ALPL: variants seen among roughly 807,000 people sequenced by gnomAD.
ALPL encodes alkaline phosphatase, biomineralization associated.
A neutral mutation model predicts 51.3 loss-of-function variants in ALPL; 42 were observed. The ratio of observed to expected loss-of-function variants is 0.82; its 90% CI spans 0.64 to 1.06. ALPL has a LOEUF of 1.06. ALPL is among the 50% of genes least tolerant of loss of function. ALPL has a pLI of 0.00. For synonymous variants in ALPL, 279 were observed against 296.4 expected, an observed-to-expected ratio of 0.94 and a Z score of 0.60; for missense variants, 589 against 709.4, an observed-to-expected ratio of 0.83 and a Z score of 1.93.
At chr1:21,537,783 C>CT (rs1264301732) in intron 1 of ALPL, among the ~76,000 whole-genome samples, 3 of 152,230 alleles carry the variant, frequency 2.0e-5, no homozygotes, top group Non-Finnish European at 4.4e-5. Flanking sequence ...CTTTGTGACC[C>CT]TGAACCTCCC....
chr1:21,536,542 G>T (rs1399067925), intron 1 of ALPL, among the ~76,000 whole-genome samples: 1 of 152,142 alleles, frequency 6.6e-6, no homozygotes, highest in African/African-American at 2.4e-5. Context: ...AAAGACTCAA[G>T]GTCTCTACCT....
chr1:21,546,314 C>T (rs575648975), intron 1 of ALPL, among the ~76,000 whole-genome samples: 1 of 152,104 alleles, frequency 6.6e-6, no homozygotes, highest in Non-Finnish European at 1.5e-5. Context: ...TTCCTTGGCA[C>T]CAAGAGGGTA....
intron 1 of ALPL, among the ~76,000 whole-genome samples, chr1:21,542,748 G>T (rs1644203150): frequency 6.6e-6 from 1 of 152,178 alleles, no homozygotes; most frequent in South Asian, 2.1e-4. Flanking sequence ...TAAGGCATGA[G>T]AATCGCTTGA....
At chr1:21,511,848 G>A (rs1643693902) in intron 1 of ALPL, among the ~76,000 whole-genome samples, 1 of 152,196 alleles carries the variant, frequency 6.6e-6, no homozygotes, top group Non-Finnish European at 1.5e-5. Context: ...TATGATCTTG[G>A]AAAGGGGAAG....
rs764097939 is a variant in ALPL, at chr1:21,563,196, G to C, written c.384G>C (p.Val128=). 2 of 1,613,968 alleles carry C rather than the reference G, an allele frequency of 1.2e-6. No individual in the cohort carries two copies. Among genetic ancestry groups the C allele is most frequent in the Non-Finnish European group, 1.7e-6 (2 of 1,180,030 alleles). Residue 128 remains valine (V), a synonymous_variant, in exon 5 of 12, where the codon GTG becomes GTC. Coordinates refer to ENST00000374840, the MANE Select transcript of ALPL (RefSeq NM_000478.6). ...LCGVKANEGT[V]GVSAATERSR... ...GGGTGAAGGCCAATGAGGGCACCGTGGGGGTAAGCGCAGCCACTGAGCGTT... is the reference window on the plus strand; with the variant it reads ...GGGTGAAGGCCAATGAGGGCACCGTCGGGGTAAGCGCAGCCACTGAGCGTT...
intron 1 of ALPL, among the ~76,000 whole-genome samples, chr1:21,515,059 C>A (rs543662211): frequency 6.6e-6 from 1 of 152,286 alleles, no homozygotes; most frequent in East Asian, 1.9e-4. Context: ...TCCTCCTCCA[C>A]TCCAGCTTGT....
intron 1 of ALPL, among the ~76,000 whole-genome samples, chr1:21,548,122 G>A (rs527410473): frequency 6.6e-5 from 10 of 152,194 alleles, no homozygotes; most frequent in Non-Finnish European, 1.2e-4. Flanking sequence ...AGGGGGTGGC[G>A]ATGGGGCTGA....
At chr1:21,538,254 G>A (rs1336689461) in intron 1 of ALPL, among the ~76,000 whole-genome samples, 1 of 152,158 alleles carries the variant, frequency 6.6e-6, no homozygotes, top group African/African-American at 2.4e-5. Context: ...CCTTGGGTGG[G>A]ACCTCACCTC....
At chr1:21,529,660 CATAG>C (rs1228350292) in intron 1 of ALPL, among the ~76,000 whole-genome samples, 3 of 152,172 alleles carry the variant, frequency 2.0e-5, no homozygotes, top group African/African-American at 4.8e-5. Flanking sequence ...TGGTTTTTCA[CATAG>C]AGTGTTTCCA....
intron 1 of ALPL, among the ~76,000 whole-genome samples, chr1:21,520,634 T>G (rs1643874066): frequency 6.6e-6 from 1 of 151,956 alleles, no homozygotes; most frequent in Admixed American, 6.6e-5. Context: ...GCTAATTTTT[T>G]GTACTTATAG....
At chr1:21,551,154 A>G (rs1360833065) in intron 1 of ALPL, 1 of 152,178 alleles carries the variant, frequency 6.6e-6, no homozygotes, top group Non-Finnish European at 1.5e-5. Context: ...CAGAGAAGAT[A>G]ATTTTGGATG....
At chr1:21,515,029 A>C (rs573272237) in intron 1 of ALPL, among the ~76,000 whole-genome samples, 114 of 152,162 alleles carry the variant, frequency 7.5e-4, no homozygotes, top group Non-Finnish European at 1.4e-3. Flanking sequence ...CTGACCCTCC[A>C]GACTTTCTAA....
Position 21,563,008 on chromosome 1 carries a change from C to T in ALPL, c.298-102C>T, listed in dbSNP as rs1644505734. The T allele has an allele frequency of 3.3e-6, 5 of 1,496,700 alleles. No individual in the cohort carries two copies. The Admixed American group carries it at 5.0e-5, about 15-fold the overall frequency. The allele number at this position is 1,496,700 out of a possible 1,614,324, so 92.7% of individuals were successfully genotyped here. On this transcript the variant is annotated intron_variant, in intron 4 of 11. Transcript: ENST00000374840. ...CCTGGTCAAGGCTATGGGGTCCTCTCTGGTCCCTCACGCCCCAGTCCCCAT... is the reference window on the plus strand; with the variant it reads ...CCTGGTCAAGGCTATGGGGTCCTCTTTGGTCCCTCACGCCCCAGTCCCCAT...
chr1:21,530,120 T>C (rs1034175381), intron 1 of ALPL, among the ~76,000 whole-genome samples: 16 of 152,122 alleles, frequency 1.1e-4, no homozygotes, highest in African/African-American at 3.1e-4. Context: ...TGGCTGGTAG[T>C]GGCGTGGGGT....
chr1:21,522,832 C>T (rs990511696), intron 1 of ALPL, among the ~76,000 whole-genome samples: 3 of 152,144 alleles, frequency 2.0e-5, no homozygotes, highest in Non-Finnish European at 4.4e-5. Context: ...GAAATGACAG[C>T]GGTCATAAAT....
chr1:21,565,836 A>C (rs1247067499), intron 6 of ALPL, among the ~76,000 whole-genome samples: 1 of 151,286 alleles, frequency 6.6e-6, no homozygotes, highest in Non-Finnish European at 1.5e-5. Flanking sequence ...CTTAAAAAAA[A>C]AAAAGAAAGA....
At chr1:21,574,984 G>C (rs961202758) in intron 9 of ALPL, among the ~76,000 whole-genome samples, 2 of 152,268 alleles carry the variant, frequency 1.3e-5, no homozygotes, top group Non-Finnish European at 2.9e-5. Context: ...TAAGGTCACA[G>C]AGCCCTCGGC....
At chr1:21,513,626 C>G (rs1246373923) in intron 1 of ALPL, among the ~76,000 whole-genome samples, 1 of 152,102 alleles carries the variant, frequency 6.6e-6, no homozygotes, top group Non-Finnish European at 1.5e-5. Flanking sequence ...ATATTTATAG[C>G]CTGCTGTGTG....
Position 21,522,495 on chromosome 1 carries a change from T to G in ALPL, c.-105+12978T>G, listed in dbSNP as rs1167783213. 2.0e-5 allele frequency among the ~76,000 whole-genome samples: 3 copies of G among 152,178 alleles called. No individual in the cohort carries two copies. In the East Asian group the frequency reaches 5.8e-4, roughly 29 times the overall value. ...GTTCATGTCTCCTAGGTCACCTGGT[T>G]GGTGTCACGTGCAAATATTTTAATA... On this transcript the variant is annotated intron_variant, in intron 1 of 11. Coordinates refer to ENST00000374840, the MANE Select transcript of ALPL (RefSeq NM_000478.6).
Sources: gnomAD v4.1 joint callset for allele counts (sites outside exome capture counted in the v4.1 genomes callset) on GRCh38, gnomAD v4.1.1 for gene constraint, MANE v1.5 for transcripts, NCBI Gene and HGNC (gene_info 2026-07-23, HGNC 2026-07-21) for gene names.